The following UCHL1 variants were observed in gnomAD, a reference collection of about 807,000 sequenced individuals.
The protein encoded by UCHL1 is ubiquitin carboxyl-terminal hydrolase isozyme L1.
In UCHL1, 5 loss-of-function variants were observed where a neutral mutation model predicts 33.3. The ratio of observed to expected loss-of-function variants is 0.15; its 90% confidence interval spans 0.08 to 0.32. The LOEUF (loss-of-function observed/expected upper bound fraction) is 0.32, where lower values mean the gene tolerates loss of function less well. Among genes scored for constraint, UCHL1 ranks in the 10% least tolerant of loss-of-function variants. The pLI, the probability that UCHL1 is intolerant of heterozygous loss-of-function variation, is 1.00. For missense variants in UCHL1, 236 were observed against 280.0 expected (o/e 0.84, Z 1.12); for synonymous variants, 132 against 108.8 (o/e 1.21, Z -1.33).
intron 5 of UCHL1, 30 bp downstream of exon 5, chr4:41,261,830 A>G: frequency 6.2e-7 from 1 of 1,614,176 alleles, no homozygotes. Context: ...ATGGCCTTTA[A>G]ATAACTCTAG....
Position 41,264,056 on chromosome 4 carries a change from C to CT in UCHL1, c.527-47_527-46insT, listed in dbSNP as rs770868850. The CT allele has an allele frequency of 6.8e-6, 11 of 1,613,232 alleles. No homozygotes were observed. In the African/African-American group the frequency reaches 1.3e-4, roughly 20 times the overall value. On this transcript the variant is annotated intron_variant, in intron 7 of 8. Coordinates refer to ENST00000284440, the MANE Select transcript of UCHL1 (RefSeq NM_004181.5). ...ATCTAGGCTAGGTAAGCACGGTAGC[C>CT]AGAAAACATGCAGAGAAAATTGACA...
At chr4:41,264,485 A>T (rs987089804) in intron 8 of UCHL1, 1 of 412,268 alleles carries the variant, frequency 2.4e-6, no homozygotes, top group Admixed American at 3.7e-5. Flanking sequence ...CATCATAGCT[A>T]AAGACTCACA....
chr4:41,257,763 C>T, intron 3 of UCHL1, 26 bp downstream of exon 3: 1 of 1,551,802 alleles, frequency 6.4e-7, no homozygotes, highest in Admixed American at 1.9e-5. Flanking sequence ...CAGGATGCGC[C>T]GGCCGCCGGC....
intron 8 of UCHL1, among the ~76,000 whole-genome samples, chr4:41,265,877 G>C (rs765762853): frequency 2.6e-5 from 4 of 152,228 alleles, no homozygotes; most frequent in Non-Finnish European, 5.9e-5. Context: ...AGGGTTTCAT[G>C]AGAGTCAGAA....
In UCHL1 at chr4:41,260,916, G is replaced by T. The variant is rs1334503732; in HGVS notation, c.325+119G>T. On this transcript the variant is annotated intron_variant, in intron 4 of 8. Transcript: ENST00000284440. ...CTTTTGAAACCATTTTGTAATGATGGTGTCAGACACTTAATCTGACTCACA... is the reference window on the plus strand; with the variant it reads ...CTTTTGAAACCATTTTGTAATGATGTTGTCAGACACTTAATCTGACTCACA... 3.3e-5 allele frequency: 46 copies of T among 1,415,296 alleles called. No individual in the cohort carries two copies. The East Asian group carries it at 9.6e-4, about 29-fold the overall frequency. 87.7% of individuals were successfully genotyped at this position (1,415,296 alleles called of 1,614,324 possible).
intron 8 of UCHL1, among the ~76,000 whole-genome samples, chr4:41,266,122 A>C (rs887379867): frequency 6.6e-6 from 1 of 150,596 alleles, no homozygotes; most frequent in Non-Finnish European, 1.5e-5. Flanking sequence ...GGGACTCACT[A>C]TGTTGCCCAG....
chr4:41,257,341 C>A, intron 2 of UCHL1: 1 of 950,686 alleles, frequency 1.1e-6, no homozygotes, highest in Non-Finnish European at 1.5e-6. Context: ...GGCTGCGCCC[C>A]GTGGCGAGCG....
At chr4:41,257,775 G>A (rs1377819254) in intron 3 of UCHL1, 38 bp downstream of exon 3, 1 of 1,542,020 alleles carries the variant, frequency 6.5e-7, no homozygotes. Context: ...GCCGCCGGCA[G>A]TGCACGCCGC....
chr4:41,256,966 G>A lies in UCHL1; in HGVS notation c.-11G>A, dbSNP rs200302762. On this transcript the variant is annotated 5_prime_UTR_variant, in exon 1 of 9. Transcript: ENST00000284440. ...CTTCCCTAGGCTATTTCTGCCGGGCGCTCCGCGAAGATGCAGCTCAAGCCG... is the reference window on the plus strand; with the variant it reads ...CTTCCCTAGGCTATTTCTGCCGGGCACTCCGCGAAGATGCAGCTCAAGCCG... The A allele has an allele frequency of 3.7e-6, 6 of 1,614,156 alleles. No homozygotes were observed. Among genetic ancestry groups the A allele is most frequent in the Non-Finnish European group, 5.1e-6 (6 of 1,180,016 alleles).
chr4:41,260,230 G>GCT (rs1254086891), intron 3 of UCHL1, among the ~76,000 whole-genome samples: 1 of 152,230 alleles, frequency 6.6e-6, no homozygotes, highest in Non-Finnish European at 1.5e-5. Flanking sequence ...ACCAGCTGGT[G>GCT]CTCTTGTTGG....
intron 3 of UCHL1, among the ~76,000 whole-genome samples, chr4:41,260,285 AGTT>A (rs1781050063): frequency 1.3e-5 from 2 of 152,226 alleles, no homozygotes; most frequent in African/African-American, 2.4e-5. Flanking sequence ...TATGTGAAAT[AGTT>A]GTTAAGTGTT....
intron 1 of UCHL1, 22 bp downstream of exon 1, chr4:41,257,031 A>G: frequency 1.2e-6 from 2 of 1,614,056 alleles, no homozygotes; most frequent in African/African-American, 2.7e-5. Flanking sequence ...GTGCACCGCT[A>G]CCCGGAGAGC....
At position 41,268,323 on chromosome 4, in the gene UCHL1, T is replaced by C. The variant is rs564857603; in HGVS notation, c.*250T>C. 66 of 554,876 alleles carry C rather than the reference T, an allele frequency of 1.2e-4. No homozygotes were observed. Among genetic ancestry groups the C allele is most frequent in the Non-Finnish European group, 1.8e-4 (55 of 311,460 alleles). The allele number at this position is 554,876 out of a possible 1,614,324, so 34.4% of individuals were successfully genotyped here. Reference sequence around the variant, plus strand: ...CCCAGTGTATGTCTTGTATCCGATATCTAACGCTTTAAATGGCTACTTTGG... The same window carrying C: ...CCCAGTGTATGTCTTGTATCCGATACCTAACGCTTTAAATGGCTACTTTGG... On this transcript the variant is annotated 3_prime_UTR_variant, in exon 9 of 9. Transcript: ENST00000284440.
chr4:41,257,623 G>A lies in UCHL1; in HGVS notation c.60G>A (p.Leu20=), dbSNP rs767261015. 1.3e-6 allele frequency: 2 copies of A among 1,554,382 alleles called. No homozygotes were observed. Among genetic ancestry groups the A allele is most frequent in the African/African-American group, 2.7e-5 (2 of 73,270 alleles). ...PEMLNKVLSR[L]GVAGQWRFVD... Reference sequence around the variant, plus strand: ...CCTCTCCGCAGGTGCTGTCCCGGCTGGGGGTCGCCGGCCAGTGGCGCTTCG... The same window carrying A: ...CCTCTCCGCAGGTGCTGTCCCGGCTAGGGGTCGCCGGCCAGTGGCGCTTCG... The change falls in exon 3 of 9, where the codon CTG becomes CTA. Residue 20 remains leucine, a synonymous_variant. Transcript: ENST00000284440.
intron 6 of UCHL1, among the ~76,000 whole-genome samples, chr4:41,262,626 T>G (rs1373105742): frequency 7.0e-6 from 1 of 143,806 alleles, no homozygotes; most frequent in Non-Finnish European, 1.5e-5. Flanking sequence ...CTCAGTGTCC[T>G]TTTTAAAAAA....
In UCHL1 at chr4:41,268,238, A is replaced by G; in HGVS notation, c.*165A>G. 2.9e-6 allele frequency: 2 copies of G among 690,072 alleles called. No individual in the cohort carries two copies. The highest frequency in any genetic ancestry group is 5.2e-6 in the Non-Finnish European group (2 of 388,240). 42.7% of individuals were successfully genotyped at this position (690,072 alleles called of 1,614,324 possible). A position where few individuals can be genotyped will look rare whatever the true frequency, so the allele number is the denominator to read the frequency against. ...CACACCCAGGCACTTAAGCACAAGCAGAGTGCACAGCTGTCCACTGGGCCA... is the reference window on the plus strand; with the variant it reads ...CACACCCAGGCACTTAAGCACAAGCGGAGTGCACAGCTGTCCACTGGGCCA... On this transcript the variant is annotated 3_prime_UTR_variant, in exon 9 of 9. Transcript: ENST00000284440.
At chr4:41,262,671 A>G (rs903129578) in intron 6 of UCHL1, among the ~76,000 whole-genome samples, 1 of 150,170 alleles carries the variant, frequency 6.7e-6, no homozygotes, top group African/African-American at 2.4e-5. Flanking sequence ...TCCATTTCCC[A>G]GGCTGGAATG....
chr4:41,257,132 T>G lies in UCHL1; in HGVS notation c.45+6T>G. 2 of 1,612,642 alleles carry G rather than the reference T, an allele frequency of 1.2e-6. No homozygotes were observed. The highest frequency in any genetic ancestry group is 1.7e-6 in the Non-Finnish European group (2 of 1,179,904). Reference sequence around the variant, plus strand: ...CCTTTCAGATGCTGAACAAAGTGAGTGGCGTCTCGCGCCGTCTCTGGCCCC... The same window carrying G: ...CCTTTCAGATGCTGAACAAAGTGAGGGGCGTCTCGCGCCGTCTCTGGCCCC... On this transcript the variant is annotated splice_donor_region_variant and intron_variant, in intron 2 of 8. Coordinates refer to ENST00000284440, the MANE Select transcript of UCHL1 (RefSeq NM_004181.5).
In UCHL1 at chr4:41,268,350, TTCTG is replaced by T; in HGVS notation, c.*283_*286del. 2.0e-6 allele frequency: 1 copy of T among 502,602 alleles called. No homozygotes were observed. Among genetic ancestry groups the T allele is most frequent in the East Asian group, 3.4e-5 (1 of 29,060 alleles). The allele number at this position is 502,602 out of a possible 1,614,324, so 31.1% of individuals were successfully genotyped here. On this transcript the variant is annotated 3_prime_UTR_variant, in exon 9 of 9. Coordinates refer to ENST00000284440, the MANE Select transcript of UCHL1 (RefSeq NM_004181.5). ...TAACGCTTTAAATGGCTACTTTGGT[TTCTG>T]TCTGTAAGTTAAGACCTTGGATGTG...
Sources: allele counts gnomAD v4.1 joint callset (sites outside exome capture counted in the v4.1 genomes callset), GRCh38; gene constraint gnomAD v4.1.1; transcripts MANE v1.5; gene names NCBI Gene and HGNC (gene_info 2026-07-23, HGNC 2026-07-21).